GRIN2A: variants seen among roughly 807,000 people sequenced by gnomAD.
The protein encoded by GRIN2A is glutamate ionotropic receptor NMDA type subunit 2A.
A neutral mutation model predicts 113.4 loss-of-function variants in GRIN2A; 22 were observed. That is an observed-to-expected ratio of 0.19 (90% CI 0.14 to 0.28). The LOEUF (loss-of-function observed/expected upper bound fraction) is 0.28. Among genes scored for constraint, GRIN2A ranks in the 10% least tolerant of loss-of-function variants. The pLI, the probability that GRIN2A is intolerant of heterozygous loss-of-function variation, is 1.00. For missense variants in GRIN2A, 1,502 were observed against 1,887.0 expected, an observed-to-expected ratio of 0.80 and a Z score of 3.78; for synonymous variants, 827 against 738.4, an observed-to-expected ratio of 1.12 and a Z score of -1.94.
chr16:10,038,157 G>C (rs999295853), intron 2 of GRIN2A, among the ~76,000 whole-genome samples: 3 of 152,168 alleles, frequency 2.0e-5, no homozygotes, highest in Non-Finnish European at 4.4e-5. Context: ...TCTGGTGACG[G>C]TCAGCTTCCT....
chr16:9,937,802 A>G (rs992146353), intron 3 of GRIN2A, 157 bp downstream of exon 3: 1 of 642,576 alleles, frequency 1.6e-6, no homozygotes, highest in African/African-American at 1.8e-5. Flanking sequence ...AAGGAGATGA[A>G]AGAAAGAGAG....
At chr16:9,803,929 T>G (rs188136708) in intron 10 of GRIN2A, among the ~76,000 whole-genome samples, 2 of 152,318 alleles carry the variant, frequency 1.3e-5, no homozygotes, top group Admixed American at 6.5e-5. Context: ...AGCCAAATGT[T>G]TTGACAGAAG....
intron 11 of GRIN2A, among the ~76,000 whole-genome samples, chr16:9,796,057 C>T (rs965985587): frequency 6.6e-5 from 10 of 152,124 alleles, no homozygotes; most frequent in Non-Finnish European, 1.5e-4. Flanking sequence ...CATAAGGTTA[C>T]GAAGATTACA....
intron 11 of GRIN2A, among the ~76,000 whole-genome samples, chr16:9,781,366 C>CT (rs930615462): frequency 2.0e-5 from 3 of 152,022 alleles, no homozygotes; most frequent in Non-Finnish European, 4.4e-5. Context: ...GGAAACAAAA[C>CT]TTTTTTTTCT....
chr16:9,825,857 T>C (rs2042378714), intron 9 of GRIN2A, among the ~76,000 whole-genome samples: 1 of 152,012 alleles, frequency 6.6e-6, no homozygotes, highest in South Asian at 2.1e-4. Flanking sequence ...TGAGAGCAGT[T>C]GCCTCAATTC....
At chr16:10,178,635 C>A (rs906806209) in intron 2 of GRIN2A, among the ~76,000 whole-genome samples, 1 of 152,206 alleles carries the variant, frequency 6.6e-6, no homozygotes, top group Non-Finnish European at 1.5e-5. Flanking sequence ...GCCTGCAAAT[C>A]ATTTAAAATG....
chr16:9,904,048 G>A (rs1379490929), intron 3 of GRIN2A, among the ~76,000 whole-genome samples: 1 of 152,214 alleles, frequency 6.6e-6, no homozygotes, highest in Non-Finnish European at 1.5e-5. Context: ...CTGAAGTTCA[G>A]TTTTAAATCC....
chr16:10,134,529 T>G (rs1190346544), intron 2 of GRIN2A, among the ~76,000 whole-genome samples: 4 of 151,976 alleles, frequency 2.6e-5, no homozygotes, highest in African/African-American at 9.7e-5. Context: ...TTAATGTAAA[T>G]GATGAGTTGA....
intron 11 of GRIN2A, among the ~76,000 whole-genome samples, chr16:9,778,236 T>TA (rs1159816258): frequency 5.9e-5 from 9 of 152,336 alleles, no homozygotes; most frequent in Non-Finnish European, 4.4e-5. Context: ...GTTGGAGAGA[T>TA]ACAATTCTTT....
At chr16:9,895,917 A>T (rs1461969084) in intron 3 of GRIN2A, among the ~76,000 whole-genome samples, 1 of 152,202 alleles carries the variant, frequency 6.6e-6, no homozygotes, top group Non-Finnish European at 1.5e-5. Context: ...ATTATCAAGA[A>T]ATTTGGAAAT....
At position 9,763,914 on chromosome 16, in the gene GRIN2A, G is replaced by A. The variant is rs750892541; in HGVS notation, c.3630C>T (p.Asn1210=). ...AAAGGCAGCTTCTGCAGTGCGTGGA[G>A]TTCTGCCGGTATCGCTCGCTGGTCT... ...HSETSERYRQ[N]STHCRSCLSN... Residue 1210 remains asparagine, a synonymous_variant, in exon 13 of 13, where the codon AAC becomes AAT. Transcript: ENST00000330684. 4 of 1,614,150 alleles carry A rather than the reference G, an allele frequency of 2.5e-6. No individual in the cohort carries two copies. Among genetic ancestry groups the A allele is most frequent in the Non-Finnish European group, 3.4e-6 (4 of 1,180,022 alleles).
chr16:9,764,740 A>G lies in GRIN2A; in HGVS notation c.2804T>C (p.Val935Ala), dbSNP rs923195287. The G allele has an allele frequency of 6.2e-7, 1 of 1,614,168 alleles. No individual in the cohort carries two copies. The highest frequency in any genetic ancestry group is 8.5e-7 in the Non-Finnish European group (1 of 1,180,030). Residue 935 changes from valine to alanine, a missense_variant, in exon 13 of 13, where the codon GTT becomes GCT. By Grantham distance (64) the Val-to-Ala change is moderately conservative. Around this residue, in one of 7 missense-constraint regions of GRIN2A, gnomAD observed 832 missense variants for 789.7 expected, o/e 1.05. Coordinates refer to ENST00000330684, the MANE Select transcript of GRIN2A (RefSeq NM_001134407.3). ...GTACATCAAATTCCCCTTATCTGAA[A>G]CCATGTCCATGATGAGGGAACCTCT... Reference protein sequence around the residue: ...IQRGSLIMDMVSDKGNLMYSD... With the variant: ...IQRGSLIMDMASDKGNLMYSD...
intron 2 of GRIN2A, among the ~76,000 whole-genome samples, chr16:10,061,845 G>C (rs1001297354): frequency 6.6e-6 from 1 of 152,122 alleles, no homozygotes; most frequent in African/African-American, 2.4e-5. Flanking sequence ...TGGCAGAGGG[G>C]ACACCTTCAT....
chr16:10,044,694 T>C (rs1179030668), intron 2 of GRIN2A, among the ~76,000 whole-genome samples: 1 of 150,912 alleles, frequency 6.6e-6, no homozygotes, highest in Non-Finnish European at 1.5e-5. Context: ...TGCACACGTT[T>C]ATCATTCAAA....
chr16:9,753,595 A>G lies in GRIN2A; in HGVS notation c.*9554T>C, dbSNP rs1263663947. On this transcript the variant is annotated 3_prime_UTR_variant, in exon 13 of 13. Coordinates refer to ENST00000330684, the MANE Select transcript of GRIN2A (RefSeq NM_001134407.3). ...AACACATTGAACAAAATTAAAAGAC[A>G]TACTACAAGAAGACAACCATAGTAT... 3 of 196,868 alleles carry G rather than the reference A, an allele frequency of 1.5e-5. No individual in the cohort carries two copies. Among genetic ancestry groups the G allele is most frequent in the East Asian group, 7.9e-5 (1 of 12,708 alleles). 12.2% of individuals were successfully genotyped at this position (196,868 alleles called of 1,614,324 possible). A position where few individuals can be genotyped will look rare whatever the true frequency, so the allele number is the denominator to read the frequency against.
At chr16:10,172,357 G>A (rs1052827911) in intron 2 of GRIN2A, among the ~76,000 whole-genome samples, 4 of 152,250 alleles carry the variant, frequency 2.6e-5, no homozygotes, top group African/African-American at 9.6e-5. Context: ...AGGTGTTATA[G>A]GAGATTAATG....
intron 4 of GRIN2A, among the ~76,000 whole-genome samples, chr16:9,877,082 C>T (rs375754336): frequency 1.3e-5 from 2 of 152,150 alleles, no homozygotes; most frequent in East Asian, 3.9e-4. Context: ...AAGCACTAAA[C>T]TTGGAGACTC....
chr16:9,793,225 G>A (rs1047237196), intron 11 of GRIN2A, among the ~76,000 whole-genome samples: 6 of 152,168 alleles, frequency 3.9e-5, no homozygotes, highest in African/African-American at 1.4e-4. Context: ...AACCATAGAT[G>A]AGAGGACCTA....
chr16:9,888,415 A>T (rs1464284873), intron 4 of GRIN2A, among the ~76,000 whole-genome samples: 1 of 152,084 alleles, frequency 6.6e-6, no homozygotes, highest in African/African-American at 2.4e-5. Flanking sequence ...TTTCACATTT[A>T]AGCCTGTAAT....
Sources: gnomAD v4.1 joint callset for allele counts (sites outside exome capture counted in the v4.1 genomes callset) on GRCh38, gnomAD v4.1.1 for gene constraint, gnomAD v4.1.1 regional missense constraint, MANE v1.5 for transcripts, NCBI Gene and HGNC (gene_info 2026-07-23, HGNC 2026-07-21) for gene names.